Variants in DEPDC1B observed in about 807,000 individuals in gnomAD.
DEPDC1B encodes DEP domain-containing protein 1B.
A neutral mutation model predicts 66.5 loss-of-function variants in DEPDC1B; 51 were observed. The observed-to-expected ratio is 0.77, with a 90% CI of 0.61 to 0.97. DEPDC1B has a LOEUF of 0.97. Ranked by LOEUF, DEPDC1B falls within the 50% of genes least tolerant of loss-of-function variation. DEPDC1B has a pLI of 0.00. For synonymous variants in DEPDC1B, 226 were observed against 223.6 expected (o/e 1.01, Z -0.10); for missense variants, 552 against 637.1 (o/e 0.87, Z 1.44).
At chr5:60,625,169 G>A (rs199725585) in intron 7 of DEPDC1B, among the ~76,000 whole-genome samples, 2 of 152,124 alleles carry the variant, frequency 1.3e-5, no homozygotes, top group African/African-American at 4.8e-5. Context: ...GGTTGGTTCC[G>A]AGTCTTTGCT....
At chr5:60,624,263 T>G (rs1752766216) in intron 7 of DEPDC1B, among the ~76,000 whole-genome samples, 2 of 152,236 alleles carry the variant, frequency 1.3e-5, no homozygotes, top group Admixed American at 1.3e-4. Flanking sequence ...ATGAGTTTTT[T>G]TCCTTCATCC....
chr5:60,616,957 G>C (rs1422146198), intron 7 of DEPDC1B, among the ~76,000 whole-genome samples: 1 of 152,232 alleles, frequency 6.6e-6, no homozygotes, highest in Non-Finnish European at 1.5e-5. Context: ...AACCCTACAA[G>C]CCGGAAGAGA....
intron 7 of DEPDC1B, among the ~76,000 whole-genome samples, chr5:60,615,953 G>T (rs1044694904): frequency 6.6e-6 from 1 of 152,314 alleles, no homozygotes; most frequent in Admixed American, 6.5e-5. Flanking sequence ...ACTTCCAAAG[G>T]AACGATCAGG....
Position 60,642,799 on chromosome 5 carries a change from A to G in DEPDC1B, c.757+13T>C, listed in dbSNP as rs1171150622. On this transcript the variant is annotated intron_variant, in intron 6 of 10. Coordinates refer to ENST00000265036, the MANE Select transcript of DEPDC1B (RefSeq NM_018369.3). Reference sequence around the variant, plus strand: ...TGTTAATTTCACAAAACTGGCAGATAATTAGTACTTACAATTTGCCAAACA... The same window carrying G: ...TGTTAATTTCACAAAACTGGCAGATGATTAGTACTTACAATTTGCCAAACA... The G allele has an allele frequency of 1.2e-6, 2 of 1,606,210 alleles. No homozygotes were observed. The highest frequency in any genetic ancestry group is 2.7e-5 in the African/African-American group (2 of 74,772).
chr5:60,622,397 T>G (rs1465648962), intron 7 of DEPDC1B, among the ~76,000 whole-genome samples: 1 of 152,240 alleles, frequency 6.6e-6, no homozygotes, highest in Non-Finnish European at 1.5e-5. Flanking sequence ...TTATTTTTAT[T>G]GCTGGGTAAT....
At chr5:60,687,322 A>G in intron 1 of DEPDC1B, 95 bp from the exon 2 acceptor site, 1 of 1,406,184 alleles carries the variant, frequency 7.1e-7, no homozygotes, top group Non-Finnish European at 9.6e-7. Context: ...CAATTTTTCC[A>G]CTTAAACTGC....
rs1287744380 is a variant in DEPDC1B, at chr5:60,640,401, TA to T, written c.758-1512del. ...TGCAAAAAAATTTTAAAGGTTTCCC[TA>T]AAAAAAATCAGTGCATGGTGAGCCC... On this transcript the variant is annotated intron_variant, in intron 6 of 10. Coordinates refer to ENST00000265036, the MANE Select transcript of DEPDC1B (RefSeq NM_018369.3). 2.6e-5 allele frequency among the ~76,000 whole-genome samples: 4 copies of T among 152,010 alleles called. No individual in the cohort carries two copies. The South Asian group carries it at 8.3e-4, about 32-fold the overall frequency.
chr5:60,652,794 C>T (rs1753486743), intron 2 of DEPDC1B, among the ~76,000 whole-genome samples: 1 of 148,742 alleles, frequency 6.7e-6, no homozygotes, highest in Admixed American at 6.7e-5. Context: ...TCTATCATAT[C>T]ATTCTTATGC....
intron 2 of DEPDC1B, among the ~76,000 whole-genome samples, chr5:60,676,846 A>G (rs1584094476): frequency 6.6e-6 from 1 of 152,196 alleles, no homozygotes; most frequent in East Asian, 1.9e-4. Flanking sequence ...ATGGCCAGGC[A>G]GATAACATAA....
At chr5:60,676,775 G>A (rs372476422) in intron 2 of DEPDC1B, among the ~76,000 whole-genome samples, 64 of 151,496 alleles carry the variant, frequency 4.2e-4, no homozygotes, top group African/African-American at 1.5e-3. Flanking sequence ...TCCCCCTCCC[G>A]TTCCATAAGG....
chr5:60,633,551 T>G (rs1378347208), intron 7 of DEPDC1B, among the ~76,000 whole-genome samples: 1 of 152,088 alleles, frequency 6.6e-6, no homozygotes, highest in East Asian at 1.9e-4. Flanking sequence ...GAGGGAGACA[T>G]GTGGAGCAGA....
At chr5:60,699,095 G>A (rs1031555692) in intron 1 of DEPDC1B, among the ~76,000 whole-genome samples, 5 of 152,062 alleles carry the variant, frequency 3.3e-5, no homozygotes, top group Non-Finnish European at 7.4e-5. Context: ...TGACTTACTG[G>A]TATAGTGTGT....
chr5:60,699,938 G>A (rs749225841), intron 1 of DEPDC1B, 108 bp downstream of exon 1: 25 of 1,353,038 alleles, frequency 1.8e-5, no homozygotes, highest in Non-Finnish European at 2.2e-5. Context: ...CTCCACACCC[G>A]AGCCCCGCTG....
At chr5:60,599,574 C>T (rs536991092) in intron 9 of DEPDC1B, among the ~76,000 whole-genome samples, 38 of 152,320 alleles carry the variant, frequency 2.5e-4, no homozygotes, top group Admixed American at 8.5e-4. Context: ...CTCTGCAGCA[C>T]TGTGACATGC....
chr5:60,625,625 T>A (rs961261986), intron 7 of DEPDC1B, among the ~76,000 whole-genome samples: 6 of 152,216 alleles, frequency 3.9e-5, no homozygotes, highest in African/African-American at 1.4e-4. Flanking sequence ...CACCAAGATA[T>A]AATGCAATTC....
At chr5:60,605,901 T>C in intron 7 of DEPDC1B, 45 bp from the exon 8 acceptor site, 8 of 1,508,802 alleles carry the variant, frequency 5.3e-6, no homozygotes, top group Non-Finnish European at 7.1e-6. Flanking sequence ...ACCTATAGCC[T>C]AGTAGATTCT....
chr5:60,671,874 G>A (rs1754048124), intron 2 of DEPDC1B, among the ~76,000 whole-genome samples: 1 of 152,156 alleles, frequency 6.6e-6, no homozygotes, highest in Non-Finnish European at 1.5e-5. Context: ...AGGTAACAAA[G>A]ATACAAGAAT....
At chr5:60,616,832 T>G (rs1370082761) in intron 7 of DEPDC1B, among the ~76,000 whole-genome samples, 1 of 152,078 alleles carries the variant, frequency 6.6e-6, no homozygotes, top group Non-Finnish European at 1.5e-5. Context: ...AGACACATAA[T>G]TGTCAGATTC....
intron 2 of DEPDC1B, among the ~76,000 whole-genome samples, chr5:60,670,028 G>A (rs762179979): frequency 3.9e-5 from 6 of 151,900 alleles, no homozygotes; most frequent in East Asian, 1.9e-4. Flanking sequence ...AAACTGCACC[G>A]AAATAATCAC....
Sources: gnomAD v4.1 joint callset for allele counts (sites outside exome capture counted in the v4.1 genomes callset) on GRCh38, gnomAD v4.1.1 for gene constraint, MANE v1.5 for transcripts, NCBI Gene and HGNC (gene_info 2026-07-23, HGNC 2026-07-21) for gene names.